The following SLC15A2 variants were observed in gnomAD, a reference collection of about 807,000 sequenced individuals.
SLC15A2 encodes solute carrier family 15 member 2, also known as kidney H(+)/peptide cotransporter.
SLC15A2 carries 77 observed loss-of-function variants against 95.5 expected under a neutral mutation model. The observed-to-expected ratio is 0.81, with a 90% confidence interval of 0.67 to 0.97. SLC15A2 has a LOEUF of 0.97. Among genes scored for constraint, SLC15A2 ranks in the 50% least tolerant of loss-of-function variants. SLC15A2 has a pLI of 0.00. For missense variants in SLC15A2, 893 were observed against 874.4 expected (o/e 1.02, Z -0.27); for synonymous variants, 306 against 306.9 (o/e 1.00, Z 0.03).
intron 3 of SLC15A2, 132 bp from the exon 4 acceptor site, chr3:121,911,442 G>C (rs1270699816): frequency 4.8e-6 from 3 of 625,622 alleles, no homozygotes; most frequent in Non-Finnish European, 5.8e-6. Flanking sequence ...GGATTTCTCA[G>C]ATAATTCTTT....
At position 121,939,362 on chromosome 3, in the gene SLC15A2, G is replaced by A; in HGVS notation, c.1775G>A (p.Gly592Asp). ...LFVITNNTNQ[G>D]LQAWKIEDIP... ...TCTTTCCCTAAGAACACCAATCAGG[G>A]TCTTCAGGCCTGGAAGATTGAAGAC... The change falls in exon 20 of 22, where the codon GGT (glycine) becomes GAT (aspartate). Residue 592 changes from glycine to aspartate, a missense_variant. Gly to Asp is a moderately conservative substitution (Grantham distance 94). Coordinates refer to ENST00000489711, the MANE Select transcript of SLC15A2 (RefSeq NM_021082.4). 1.3e-6 allele frequency: 2 copies of A among 1,538,358 alleles called. No individual in the cohort carries two copies. Among genetic ancestry groups the A allele is most frequent in the African/African-American group, 1.4e-5 (1 of 71,112 alleles).
At chr3:121,923,510 G>A (rs919931698) in intron 11 of SLC15A2, among the ~76,000 whole-genome samples, 5 of 152,196 alleles carry the variant, frequency 3.3e-5, no homozygotes, top group Non-Finnish European at 7.4e-5. Context: ...GAAGTATTGA[G>A]AGGCTAGCAA....
intron 6 of SLC15A2, 109 bp from the exon 7 acceptor site, chr3:121,915,507 A>G: frequency 1.1e-6 from 1 of 875,512 alleles, no homozygotes; most frequent in East Asian, 2.4e-5. Context: ...GAGGGTGGTT[A>G]TGTCTATTCT....
intron 3 of SLC15A2, among the ~76,000 whole-genome samples, chr3:121,910,048 T>G (rs773198604): frequency 2.6e-5 from 4 of 151,158 alleles, no homozygotes; most frequent in Non-Finnish European, 4.4e-5. Flanking sequence ...ATAGCTAGCA[T>G]TTTTTTTTCT....
At chr3:121,914,207 A>G (rs902828453) in intron 5 of SLC15A2, among the ~76,000 whole-genome samples, 1 of 152,250 alleles carries the variant, frequency 6.6e-6, no homozygotes, top group Non-Finnish European at 1.5e-5. Flanking sequence ...GATAAGTGGA[A>G]TAAGGTTTAA....
chr3:121,917,218 A>G (rs1377313456), intron 7 of SLC15A2, among the ~76,000 whole-genome samples: 2 of 152,222 alleles, frequency 1.3e-5, no homozygotes, highest in African/African-American at 2.4e-5. Flanking sequence ...ACATTGGTGA[A>G]TTAGATACCT....
At chr3:121,933,706 T>G (rs1347158842) in intron 19 of SLC15A2, among the ~76,000 whole-genome samples, 3 of 152,102 alleles carry the variant, frequency 2.0e-5, no homozygotes, top group African/African-American at 7.2e-5. Flanking sequence ...CTCCCATTTT[T>G]TAGGTTGCCT....
chr3:121,916,734 C>T (rs1283450055), intron 7 of SLC15A2, among the ~76,000 whole-genome samples: 1 of 152,136 alleles, frequency 6.6e-6, no homozygotes, highest in Non-Finnish European at 1.5e-5. Flanking sequence ...CAAGTGCTAG[C>T]TGTCATTATT....
chr3:121,934,978 T>TC (rs1315843068), intron 19 of SLC15A2, among the ~76,000 whole-genome samples: 2 of 151,428 alleles, frequency 1.3e-5, no homozygotes, highest in South Asian at 4.2e-4. Flanking sequence ...CATGAAGCGT[T>TC]GTTGAATTTT....
Position 121,940,470 on chromosome 3 carries a change from G to A in SLC15A2, c.1995G>A (p.Gln665=). The change falls in exon 21 of 22, where the codon CAG becomes CAA. Residue 665 remains glutamine, a synonymous_variant. Transcript: ENST00000489711. Reference sequence around the variant, plus strand: ...ATATCATCGTGCTTGTTGTGGCACAGTTCAGTGGCCTGGTACAGGTATGGA... The same window carrying A: ...ATATCATCGTGCTTGTTGTGGCACAATTCAGTGGCCTGGTACAGGTATGGA... The part of the protein sequence containing the change: ...VGNIIVLVVA[Q]FSGLVQWAEF... 6.2e-7 allele frequency: 1 copy of A among 1,613,822 alleles called. No homozygotes were observed. Among genetic ancestry groups the A allele is most frequent in the Non-Finnish European group, 8.5e-7 (1 of 1,179,724 alleles).
At chr3:121,920,078 A>G (rs1709974734) in intron 7 of SLC15A2, among the ~76,000 whole-genome samples, 1 of 152,138 alleles carries the variant, frequency 6.6e-6, no homozygotes, top group Non-Finnish European at 1.5e-5. Context: ...ATAGTAGAGA[A>G]ATTCAAGGTT....
At chr3:121,912,164 A>G (rs537392840) in intron 4 of SLC15A2, among the ~76,000 whole-genome samples, 2 of 152,304 alleles carry the variant, frequency 1.3e-5, no homozygotes, top group East Asian at 3.9e-4. Flanking sequence ...AGCAGTTTAT[A>G]TGTATTCATA....
At chr3:121,896,098 GC>G (rs1709408801) in intron 1 of SLC15A2, among the ~76,000 whole-genome samples, 1 of 152,138 alleles carries the variant, frequency 6.6e-6, no homozygotes, top group Admixed American at 6.5e-5. Flanking sequence ...CCATTCTTCT[GC>G]CCCAGAGCCC....
rs1299399959 is a variant in SLC15A2 at position 121,933,606 on chromosome 3, GTTGT to G, written c.1761+1878_1761+1881del. ...TGTCCTTCGCCCACTTTTTGATGGG[GTTGT>G]TTGTTTTTTTCTTGTAAATTTGTTT... On this transcript the variant is annotated intron_variant, in intron 19 of 21. Coordinates refer to ENST00000489711, the MANE Select transcript of SLC15A2 (RefSeq NM_021082.4). 2.7e-3 allele frequency among the ~76,000 whole-genome samples: 411 copies of G among 149,730 alleles called. 1 individual carries two copies. The highest frequency in any genetic ancestry group is 9.3e-3 in the African/African-American group (380 of 40,900).
At position 121,894,558 on chromosome 3, in the gene SLC15A2, AGC is replaced by A. The variant is rs779836964; in HGVS notation, c.83_84del (p.Ser28ThrfsTer25). 2.2e-5 allele frequency: 36 copies of A among 1,613,922 alleles called. No individual in the cohort carries two copies. The highest frequency in any genetic ancestry group is 3.0e-5 in the Non-Finnish European group (35 of 1,179,874). ...TGAAGAGGTACCACCTCGACCACCTAGCCCTCCAAAGAAGCCATCTCCGGTGA... is the reference window on the plus strand; with the variant it reads ...TGAAGAGGTACCACCTCGACCACCTACCTCCAAAGAAGCCATCTCCGGTGA... ...SIEEVPPRPP[S>X]PPKKPSPTIC... On this transcript the variant is annotated frameshift_variant, in exon 1 of 22. Coordinates refer to ENST00000489711, the MANE Select transcript of SLC15A2 (RefSeq NM_021082.4). LOFTEE classifies it high-confidence loss of function.
chr3:121,935,776 C>T (rs1258048766), intron 19 of SLC15A2, among the ~76,000 whole-genome samples: 1 of 152,008 alleles, frequency 6.6e-6, no homozygotes, highest in East Asian at 1.9e-4. Flanking sequence ...TAGTTCTGCT[C>T]TGATTTTAGT....
At chr3:121,922,173 A>G (rs762261752) in intron 7 of SLC15A2, 47 bp from the exon 8 acceptor site, 1 of 1,521,918 alleles carries the variant, frequency 6.6e-7, no homozygotes, top group Non-Finnish European at 9.1e-7. Flanking sequence ...CTTTGCACCA[A>G]CCTAATAAAT....
At chr3:121,917,453 C>T (rs543455123) in intron 7 of SLC15A2, among the ~76,000 whole-genome samples, 1 of 152,218 alleles carries the variant, frequency 6.6e-6, no homozygotes, top group African/African-American at 2.4e-5. Flanking sequence ...CTTTGGGAGG[C>T]CGAGGCAGGA....
At chr3:121,930,383 A>G (rs1710208249) in intron 17 of SLC15A2, among the ~76,000 whole-genome samples, 1 of 152,218 alleles carries the variant, frequency 6.6e-6, no homozygotes, top group South Asian at 2.1e-4. Context: ...GTCACATTGG[A>G]CTTCATTTAT....
Sources: gnomAD v4.1 joint callset for allele counts (sites outside exome capture counted in the v4.1 genomes callset) on GRCh38, gnomAD v4.1.1 for gene constraint, MANE v1.5 for transcripts, NCBI Gene and HGNC (gene_info 2026-07-23, HGNC 2026-07-21) for gene names.